Variants in PPP4R4 observed in about 807,000 individuals in gnomAD.
PPP4R4 encodes serine/threonine-protein phosphatase 4 regulatory subunit 4.
A neutral mutation model predicts 121.8 loss-of-function variants in PPP4R4; 70 were observed. The ratio of observed to expected loss-of-function variants is 0.57; its 90% CI spans 0.47 to 0.70. PPP4R4 has a LOEUF of 0.70. Ranked by LOEUF, PPP4R4 falls within the 30% of genes least tolerant of loss-of-function variation. PPP4R4 has a pLI of 0.00. For synonymous variants in PPP4R4, 348 were observed against 355.7 expected (o/e 0.98, Z 0.24); for missense variants, 875 against 1,033.6 (o/e 0.85, Z 2.10).
intron 15 of PPP4R4, among the ~76,000 whole-genome samples, 180 bp downstream of exon 15, chr14:94,250,457 A>C (rs1266245933): frequency 6.6e-6 from 1 of 152,000 alleles, no homozygotes; most frequent in Admixed American, 6.6e-5. Flanking sequence ...AATGAAAGTA[A>C]TAATTACTCT....
At chr14:94,230,844 G>A in intron 4 of PPP4R4, 110 bp downstream of exon 4, 1 of 1,266,450 alleles carries the variant, frequency 7.9e-7, no homozygotes, top group East Asian at 2.4e-5. Context: ...GTAAGGCCAT[G>A]CTGCCTAGGA....
rs1339199329 is a variant in PPP4R4 at position 94,259,291 on chromosome 14, A to C, written c.2053-4A>C. On this transcript the variant is annotated splice_polypyrimidine_tract_variant and splice_region_variant and intron_variant, in intron 18 of 24. Transcript: ENST00000304338. Reference sequence around the variant, plus strand: ...TTCACAATTTCATTTTAAACTTTAAACAGTTTCAGAAAAAGTTTTATGAGA... The same window carrying C: ...TTCACAATTTCATTTTAAACTTTAACCAGTTTCAGAAAAAGTTTTATGAGA... 6.2e-7 allele frequency: 1 copy of C among 1,600,612 alleles called. No homozygotes were observed. The highest frequency in any genetic ancestry group is 1.4e-5 in the African/African-American group (1 of 73,968).
chr14:94,259,321 T>C lies in PPP4R4; in HGVS notation c.2079T>C (p.Asp693=). The change falls in exon 19 of 25, where the codon GAT becomes GAC. Residue 693 remains aspartate, a synonymous_variant. Transcript: ENST00000304338. ...DAFQKKFYEK[D]LLDQEKEREE... ...TTCAGAAAAAGTTTTATGAGAAAGA[T>C]TTGTTGGATCAAGAGAAAGAAAGAG... 6.2e-7 allele frequency: 1 copy of C among 1,609,210 alleles called. No individual in the cohort carries two copies. Among genetic ancestry groups the C allele is most frequent in the Non-Finnish European group, 8.5e-7 (1 of 1,178,622 alleles).
At chr14:94,201,114 T>A (rs1431014952) in intron 2 of PPP4R4, among the ~76,000 whole-genome samples, 1 of 152,222 alleles carries the variant, frequency 6.6e-6, no homozygotes, top group African/African-American at 2.4e-5. Flanking sequence ...TTATTAAATT[T>A]CCATGTATTT....
chr14:94,182,411 T>C (rs1156593733), intron 2 of PPP4R4, among the ~76,000 whole-genome samples: 2 of 152,188 alleles, frequency 1.3e-5, no homozygotes, highest in Non-Finnish European at 2.9e-5. Flanking sequence ...AGTAGCTTCC[T>C]TTGTATTCCT....
chr14:94,247,812 T>A (rs1443801275), intron 14 of PPP4R4, among the ~76,000 whole-genome samples: 1 of 152,110 alleles, frequency 6.6e-6, no homozygotes, highest in Non-Finnish European at 1.5e-5. Flanking sequence ...AAGCAAAAAT[T>A]ACATGATCAT....
At chr14:94,242,691 G>A (rs955145925) in intron 11 of PPP4R4, among the ~76,000 whole-genome samples, 9 of 151,954 alleles carry the variant, frequency 5.9e-5, no homozygotes, top group Admixed American at 1.3e-4. Flanking sequence ...TGGGTGATGC[G>A]GATTTTAAAG....
At position 94,256,621 on chromosome 14, in the gene PPP4R4, C is replaced by G; in HGVS notation, c.2010+17C>G. ...GTAAAAAGAGTAAGTATCACTCTTG[C>G]CACAATGTTGCATTTTTTGCATTAA... On this transcript the variant is annotated intron_variant, in intron 17 of 24. Transcript: ENST00000304338. 2 of 1,574,958 alleles carry G rather than the reference C, an allele frequency of 1.3e-6. No individual in the cohort carries two copies. Among genetic ancestry groups the G allele is most frequent in the Non-Finnish European group, 1.7e-6 (2 of 1,156,902 alleles).
At chr14:94,261,530 A>G (rs946424152) in intron 19 of PPP4R4, among the ~76,000 whole-genome samples, 2 of 152,010 alleles carry the variant, frequency 1.3e-5, no homozygotes, top group African/African-American at 2.4e-5. Context: ...CAGCAATATT[A>G]CTTCTTTCTA....
intron 2 of PPP4R4, among the ~76,000 whole-genome samples, chr14:94,191,644 G>A (rs918987993): frequency 1.3e-5 from 2 of 152,138 alleles, no homozygotes; most frequent in Non-Finnish European, 2.9e-5. Flanking sequence ...AAAAGGCAGT[G>A]TTCTCTATAT....
At chr14:94,190,072 G>A (rs1360072781) in intron 2 of PPP4R4, among the ~76,000 whole-genome samples, 1 of 148,780 alleles carries the variant, frequency 6.7e-6, no homozygotes, top group African/African-American at 2.5e-5. Context: ...TTGAGATAGG[G>A]TCTTGCTATA....
intron 2 of PPP4R4, among the ~76,000 whole-genome samples, chr14:94,187,037 G>A (rs984508757): frequency 2.6e-5 from 4 of 152,158 alleles, no homozygotes; most frequent in Admixed American, 1.3e-4. Flanking sequence ...TTGTTAGGCC[G>A]AGCGTGGTGG....
Position 94,199,480 on chromosome 14 carries a change from TAGTC to T in PPP4R4, c.192-8981_192-8978del, listed in dbSNP as rs1295291539. On this transcript the variant is annotated intron_variant, in intron 2 of 24. Transcript: ENST00000304338. ...TTTGCTGTCCGTAGGCGGCTTGTGT[TAGTC>T]AGCTCAATTAGACCCTTGCCTTATT... Among the ~76,000 whole-genome samples, 12 of 152,266 alleles carry T rather than the reference TAGTC, an allele frequency of 7.9e-5. No homozygotes were observed. In the East Asian group the frequency reaches 1.4e-3, roughly 17 times the overall value.
At chr14:94,271,870 G>C (rs1475869710) in intron 23 of PPP4R4, among the ~76,000 whole-genome samples, 1 of 152,142 alleles carries the variant, frequency 6.6e-6, no homozygotes, top group Non-Finnish European at 1.5e-5. Flanking sequence ...TATTCCAGCA[G>C]TGAACAGGTA....
intron 3 of PPP4R4, among the ~76,000 whole-genome samples, chr14:94,217,290 G>T (rs28461260): frequency 2.0e-5 from 3 of 152,232 alleles, no homozygotes; most frequent in East Asian, 3.9e-4. Context: ...GGTAATAGTG[G>T]CCCACTATTG....
chr14:94,259,456 T>C, intron 19 of PPP4R4, 87 bp downstream of exon 19: 1 of 1,369,900 alleles, frequency 7.3e-7, no homozygotes, highest in Non-Finnish European at 9.5e-7. Context: ...TCTTTCCATT[T>C]CACCATTTCA....
At chr14:94,194,697 G>A (rs1277907054) in intron 2 of PPP4R4, among the ~76,000 whole-genome samples, 3 of 152,112 alleles carry the variant, frequency 2.0e-5, no homozygotes, top group African/African-American at 7.2e-5. Context: ...GCCTGGGCCT[G>A]AGCTGGAGTG....
chr14:94,174,465 C>G lies in PPP4R4; in HGVS notation c.-1C>G. 2 of 1,600,496 alleles carry G rather than the reference C, an allele frequency of 1.2e-6. No homozygotes were observed. ...CGGGCGGCGAGAGTGCCCGGCGGTC[C>G]ATGCATCCGCCGCCGCCCGCCGCCG... On this transcript the variant is annotated 5_prime_UTR_variant, in exon 1 of 25. Coordinates refer to ENST00000304338, the MANE Select transcript of PPP4R4 (RefSeq NM_058237.2).
rs929981433 is a variant in PPP4R4 at position 94,188,507 on chromosome 14, G to A, written c.191+12380G>A. Among the ~76,000 whole-genome samples, 4 of 152,006 alleles carry A rather than the reference G, an allele frequency of 2.6e-5. No individual in the cohort carries two copies. The East Asian group carries it at 7.7e-4, about 29-fold the overall frequency. ...CATTATTACTACATAAATAGCATAT[G>A]GACCTAGTCTTTGGACAACATATTG... is the stretch of plus-strand genomic sequence containing the variant. On this transcript the variant is annotated intron_variant, in intron 2 of 24. Transcript: ENST00000304338.
Sources: gnomAD v4.1 joint callset for allele counts (sites outside exome capture counted in the v4.1 genomes callset) on GRCh38, gnomAD v4.1.1 for gene constraint, MANE v1.5 for transcripts, NCBI Gene and HGNC (gene_info 2026-07-23, HGNC 2026-07-21) for gene names.